Variants in WNK1 observed in about 807,000 individuals in gnomAD.
WNK1 encodes the protein serine/threonine-protein kinase WNK1.
Under a neutral mutation model 222.8 loss-of-function variants are expected in WNK1, and 38 were observed. The observed-to-expected ratio is 0.17, with a 90% confidence interval of 0.13 to 0.22. The LOEUF (loss-of-function observed/expected upper bound fraction) is 0.22. Ranked by LOEUF, WNK1 falls within the 10% of genes least tolerant of loss-of-function variation. The probability of loss-of-function intolerance (pLI) is 1.00; values close to 1 mark genes in which losing one functional copy is unlikely to be tolerated. For synonymous variants in WNK1, 1,090 were observed against 1,092.9 expected (o/e 1.00, Z 0.05); for missense variants, 2,348 against 2,918.4 (o/e 0.80, Z 4.50).
intron 1 of WNK1, among the ~76,000 whole-genome samples, chr12:775,033 G>T (rs1241372457): frequency 6.6e-6 from 1 of 151,950 alleles, no homozygotes; most frequent in East Asian, 1.9e-4. Context: ...TTTAAGTATA[G>T]TGAATCTTTG....
intron 4 of WNK1, among the ~76,000 whole-genome samples, chr12:840,381 T>G (rs886279338): frequency 6.0e-5 from 9 of 151,066 alleles, no homozygotes; most frequent in African/African-American, 2.2e-4. Flanking sequence ...ATCCTCCTAC[T>G]TTAGCCTCCC....
intron 1 of WNK1, among the ~76,000 whole-genome samples, chr12:762,184 C>T (rs985181799): frequency 2.1e-5 from 3 of 145,540 alleles, no homozygotes; most frequent in Non-Finnish European, 3.1e-5. Context: ...CTCAGCCTCC[C>T]GAGTAGCTGG....
intron 1 of WNK1, among the ~76,000 whole-genome samples, chr12:763,722 C>T (rs556713169): frequency 1.4e-5 from 2 of 147,268 alleles, no homozygotes; most frequent in African/African-American, 4.9e-5. Flanking sequence ...TTTTTAGGAC[C>T]TAAACTAGGG....
At chr12:778,488 G>A (rs533293468) in intron 1 of WNK1, among the ~76,000 whole-genome samples, 4 of 151,862 alleles carry the variant, frequency 2.6e-5, no homozygotes, top group Non-Finnish European at 4.4e-5. Flanking sequence ...ATGCCATCAC[G>A]CCTGGCTAAT....
In WNK1 at chr12:899,944, G is replaced by A. The variant is rs554154536; in HGVS notation, c.6449-532G>A. Among the ~76,000 whole-genome samples, 289 of 151,464 alleles carry A rather than the reference G, an allele frequency of 1.9e-3. 1 individual carries two copies. The highest frequency in any genetic ancestry group is 2.7e-3 in the Non-Finnish European group (182 of 67,916). ...TCTTCTTACGCTGCTCAGACATGTGGCCCATCTAGGTTTTCTAAAGCTAAA... is the reference window on the plus strand; with the variant it reads ...TCTTCTTACGCTGCTCAGACATGTGACCCATCTAGGTTTTCTAAAGCTAAA... On this transcript the variant is annotated intron_variant, in intron 25 of 27. Transcript: ENST00000315939.
chr12:892,648 T>G (rs1954360735), intron 22 of WNK1, among the ~76,000 whole-genome samples: 1 of 152,116 alleles, frequency 6.6e-6, no homozygotes, highest in South Asian at 2.1e-4. Context: ...CTCGTTTTGC[T>G]AATACAAAGA....
In WNK1 at chr12:883,490, T is replaced by G; in HGVS notation, c.3585T>G (p.Asp1195Glu). 6.2e-7 allele frequency: 1 copy of G among 1,614,158 alleles called. No homozygotes were observed. ...IEKADEMLSE[D>E]VSVEPEGDQG... ...AAGCTGATGAAATGCTCAGTGAGGA[T>G]GTCAGTGTGGAACCAGAGGGTGATC... is the stretch of plus-strand genomic sequence containing the variant. Residue 1195 changes from aspartate to glutamate, a missense_variant, in exon 16 of 28, where the codon GAT becomes GAG. Transcript: ENST00000315939.
At chr12:757,780 G>C (rs539583234) in intron 1 of WNK1, among the ~76,000 whole-genome samples, 1 of 147,322 alleles carries the variant, frequency 6.8e-6, no homozygotes. Context: ...GCTCACGCCT[G>C]TAATCCCAGC....
Position 753,394 on chromosome 12 carries a change from C to A in WNK1, c.-172C>A. On this transcript the variant is annotated 5_prime_UTR_variant, in exon 1 of 28. Coordinates refer to ENST00000315939, the MANE Select transcript of WNK1 (RefSeq NM_018979.4). This position sits in a 1 kb window ranked among gnomAD's most constrained non-coding sequence, Gnocchi z 5.2. ...CAGCCCCCGCCGCAGCTGGGCCCAG[C>A]GGTCCGCCTGTCCCTCGTTGCGGCT... 7.3e-6 allele frequency: 6 copies of A among 825,290 alleles called. No individual in the cohort carries two copies. Among genetic ancestry groups the A allele is most frequent in the South Asian group, 7.0e-5 (4 of 57,480 alleles). 51.1% of individuals were successfully genotyped at this position (825,290 alleles called of 1,614,324 possible). A position where few individuals can be genotyped will look rare whatever the true frequency, so the allele number is the denominator to read the frequency against.
At chr12:861,505 G>T (rs1951216195) in intron 7 of WNK1, among the ~76,000 whole-genome samples, 162 bp downstream of exon 7, 1 of 152,106 alleles carries the variant, frequency 6.6e-6, no homozygotes, top group Admixed American at 6.5e-5. Flanking sequence ...TCTTATATCT[G>T]TGACTAGGAG....
At chr12:791,254 C>T (rs973448931) in intron 1 of WNK1, among the ~76,000 whole-genome samples, 1 of 150,940 alleles carries the variant, frequency 6.6e-6, no homozygotes, top group Non-Finnish European at 1.5e-5. Flanking sequence ...CACACACACA[C>T]ACATACACAA....
chr12:861,224 C>T lies in WNK1; in HGVS notation c.1832C>T (p.Thr611Ile). ...TGIKQLPSAS[T>I]GIPTASTTSA... Reference sequence around the variant, plus strand: ...ATCAAGCAGCTCCCTTCTGCTAGCACCGGCATACCTACTGCTTCTACCACT... The same window carrying T: ...ATCAAGCAGCTCCCTTCTGCTAGCATCGGCATACCTACTGCTTCTACCACT... Residue 611 changes from threonine (T) to isoleucine (I), a missense_variant, in exon 7 of 28, where the codon ACC becomes ATC. Physicochemically the swap from Thr to Ile is moderately conservative, Grantham distance 89 (BLOSUM62 -1). This residue lies in a region of WNK1 where 103 missense variants were observed against 111.5 expected (regional missense o/e 0.92). Transcript: ENST00000315939. 6.2e-7 allele frequency: 1 copy of T among 1,614,070 alleles called. No homozygotes were observed. Among genetic ancestry groups the T allele is most frequent in the South Asian group, 1.1e-5 (1 of 91,074 alleles).
intron 8 of WNK1, among the ~76,000 whole-genome samples, chr12:867,513 T>C (rs1341476401): frequency 6.6e-6 from 1 of 152,234 alleles, no homozygotes; most frequent in African/African-American, 2.4e-5. Context: ...CCTTTAACTC[T>C]TTTTCTGTTG....
chr12:784,473 G>A (rs896080327), intron 1 of WNK1, among the ~76,000 whole-genome samples: 6 of 151,830 alleles, frequency 4.0e-5, no homozygotes, highest in Non-Finnish European at 7.4e-5. Flanking sequence ...TAATATGTTA[G>A]CATTTAATAT....
chr12:800,907 GC>G (rs1451847506), intron 1 of WNK1, among the ~76,000 whole-genome samples: 2 of 152,086 alleles, frequency 1.3e-5, no homozygotes, highest in Non-Finnish European at 1.5e-5. Flanking sequence ...AAGGTGAGAG[GC>G]ATTGATTTGT....
chr12:878,382 T>C (rs1021056482), intron 10 of WNK1, 21 bp downstream of exon 10: 15 of 1,597,224 alleles, frequency 9.4e-6, no homozygotes, highest in Non-Finnish European at 1.3e-5. Context: ...TTTTTTTTTT[T>C]AAACAGGTAA....
chr12:850,506 C>T (rs961583873), intron 4 of WNK1, among the ~76,000 whole-genome samples: 5 of 152,048 alleles, frequency 3.3e-5, no homozygotes, highest in Admixed American at 2.0e-4. Context: ...AAATTTTCTC[C>T]CATTCTGTAG....
At chr12:818,763 G>A (rs1265204843) in intron 2 of WNK1, among the ~76,000 whole-genome samples, 2 of 152,136 alleles carry the variant, frequency 1.3e-5, no homozygotes, top group Non-Finnish European at 2.9e-5. Flanking sequence ...CACTTAGCAT[G>A]GTGTTTTCGA....
Position 817,965 on chromosome 12 carries a change from GA to G in WNK1, c.932+4159del, listed in dbSNP as rs994262781. Among the ~76,000 whole-genome samples the G allele has an allele frequency of 5.3e-5, 8 of 151,818 alleles. No individual in the cohort carries two copies. The South Asian group carries it at 1.5e-3, about 28-fold the overall frequency. The stretch of plus-strand genomic sequence containing the variant: ...AGACTCCATCTCAAAAAAAGAAAAA[GA>G]AAAAAAATTTGGATTAAAAGTTGAG... On this transcript the variant is annotated intron_variant, in intron 2 of 27. Coordinates refer to ENST00000315939, the MANE Select transcript of WNK1 (RefSeq NM_018979.4).
Sources: gnomAD v4.1 joint callset for allele counts (sites outside exome capture counted in the v4.1 genomes callset) on GRCh38, gnomAD v4.1.1 for gene constraint, gnomAD v4.1.1 regional missense constraint, Gnocchi (gnomAD v3.1) non-coding constraint, MANE v1.5 for transcripts, NCBI Gene and HGNC (gene_info 2026-07-23, HGNC 2026-07-21) for gene names.